Variants in ASTN1 observed in about 807,000 individuals in gnomAD.
ASTN1 encodes the protein astrotactin-1.
ASTN1 carries 41 observed loss-of-function variants against 140.7 expected under a neutral mutation model. The observed-to-expected ratio is 0.29, with a 90% confidence interval of 0.23 to 0.38. ASTN1 has a LOEUF of 0.38. Among genes scored for constraint, ASTN1 ranks in the 10% least tolerant of loss-of-function variants. The pLI is 1.00. For synonymous variants in ASTN1, 640 were observed against 652.2 expected (o/e 0.98, Z 0.29); for missense variants, 1,479 against 1,678.8 (o/e 0.88, Z 2.08).
chr1:176,873,765 T>C lies in ASTN1; in HGVS notation c.3463+2772A>G, dbSNP rs79707452. The stretch of plus-strand genomic sequence containing the variant: ...ACAGGCCCTGGGAGTGTTATTTCAC[T>C]GTCTCAACACTAAATTGGCTCTTCT... On this transcript the variant is annotated intron_variant, in intron 21 of 22. Coordinates refer to ENST00000361833, the MANE Select transcript of ASTN1 (RefSeq NM_004319.3). 4.1e-3 allele frequency among the ~76,000 whole-genome samples: 622 copies of C among 152,302 alleles called. 12 individuals are homozygous for C. The highest frequency in any genetic ancestry group is 0.04 in the East Asian group (206 of 5,162).
chr1:177,071,328 T>G (rs1678625052), intron 1 of ASTN1, among the ~76,000 whole-genome samples: 1 of 152,154 alleles, frequency 6.6e-6, no homozygotes, highest in South Asian at 2.1e-4. Context: ...TGAATTCAAA[T>G]GGGCAGTTCC....
chr1:177,094,351 G>A (rs1679920488), intron 1 of ASTN1, among the ~76,000 whole-genome samples: 1 of 152,170 alleles, frequency 6.6e-6, no homozygotes, highest in African/African-American at 2.4e-5. Flanking sequence ...TATGCACAGG[G>A]CAGTTTTAAG....
At chr1:177,043,583 A>T (rs199925606) in intron 2 of ASTN1, among the ~76,000 whole-genome samples, 1 of 152,236 alleles carries the variant, frequency 6.6e-6, no homozygotes, top group African/African-American at 2.4e-5. Flanking sequence ...AATTCTAATC[A>T]CAGGCCCCAA....
intron 1 of ASTN1, among the ~76,000 whole-genome samples, chr1:177,069,373 G>A (rs542574714): frequency 6.7e-4 from 102 of 152,142 alleles, no homozygotes; most frequent in African/African-American, 2.3e-3. Context: ...CCATCCACCC[G>A]CTTCTCCTTT....
rs777211195 is a variant in ASTN1, at chr1:176,949,158, G to C, written c.2054+27C>G. 6.8e-6 allele frequency: 11 copies of C among 1,612,304 alleles called. No individual in the cohort carries two copies. The South Asian group carries it at 1.2e-4, about 18-fold the overall frequency. ...TGCGTCCTGGGACAGATGGACGCCA[G>C]GTGGCCTCGCTGGCAGCTCAACTCA... On this transcript the variant is annotated intron_variant, in intron 12 of 22. Coordinates refer to ENST00000361833, the MANE Select transcript of ASTN1 (RefSeq NM_004319.3).
chr1:177,077,231 C>T (rs183698750), intron 1 of ASTN1, among the ~76,000 whole-genome samples: 130 of 152,242 alleles, frequency 8.5e-4, no homozygotes, highest in African/African-American at 2.9e-3. Flanking sequence ...TCAATCTCAG[C>T]GTGACTCCCC....
intron 8 of ASTN1, among the ~76,000 whole-genome samples, chr1:176,978,122 A>T (rs913451202): frequency 6.6e-6 from 1 of 152,232 alleles, no homozygotes; most frequent in Admixed American, 6.5e-5. Context: ...CTGCAGAAAT[A>T]ATAGTATGAC....
intron 9 of ASTN1, among the ~76,000 whole-genome samples, chr1:176,962,705 T>C (rs560808918): frequency 6.6e-6 from 1 of 152,342 alleles, no homozygotes; most frequent in African/African-American, 2.4e-5. Context: ...AGAATCACCA[T>C]GATGCTTTTA....
At chr1:176,912,200 G>T (rs1421240707) in intron 16 of ASTN1, among the ~76,000 whole-genome samples, 7 of 152,156 alleles carry the variant, frequency 4.6e-5, no homozygotes, top group Non-Finnish European at 8.8e-5. Context: ...CATCTATGGT[G>T]GAAGTCAGCA....
At chr1:177,043,838 C>T (rs1245570809) in intron 2 of ASTN1, among the ~76,000 whole-genome samples, 2 of 152,304 alleles carry the variant, frequency 1.3e-5, no homozygotes, top group East Asian at 3.9e-4. Flanking sequence ...TGTCTGGCAT[C>T]ATACAGGGGA....
At chr1:177,112,792 C>T (rs1680884483) in intron 1 of ASTN1, among the ~76,000 whole-genome samples, 1 of 152,168 alleles carries the variant, frequency 6.6e-6, no homozygotes, top group Non-Finnish European at 1.5e-5. Flanking sequence ...TCCCTGGTAG[C>T]CCAGAATCCT....
intron 22 of ASTN1, among the ~76,000 whole-genome samples, chr1:176,866,566 A>C (rs777892047): frequency 1.6e-4 from 24 of 152,198 alleles, no homozygotes; most frequent in South Asian, 8.3e-4. Context: ...ATCTTCAAGA[A>C]ATGAACAAAG....
At position 177,089,218 on chromosome 1, in the gene ASTN1, C is replaced by A. The variant is rs147104175; in HGVS notation, c.284-27953G>T. ...GAGCAGGCTGAGCTCTGTGATGTAT[C>A]AGATGCCAAGAGTCTTTCTGCTCAG... On this transcript the variant is annotated intron_variant, in intron 1 of 22. Coordinates refer to ENST00000361833, the MANE Select transcript of ASTN1 (RefSeq NM_004319.3). Among the ~76,000 whole-genome samples, 167 of 152,266 alleles carry A rather than the reference C, an allele frequency of 1.1e-3. 1 individual carries two copies. Among genetic ancestry groups the A allele is most frequent in the African/African-American group, 3.9e-3 (161 of 41,548 alleles).
At chr1:177,008,637 G>C (rs928906800) in intron 8 of ASTN1, among the ~76,000 whole-genome samples, 14 of 150,220 alleles carry the variant, frequency 9.3e-5, no homozygotes, top group African/African-American at 2.7e-4. Context: ...AGAAGGAGGA[G>C]GAGGAAGAGG....
chr1:176,867,445 T>C (rs1668166586), intron 22 of ASTN1, among the ~76,000 whole-genome samples: 1 of 152,216 alleles, frequency 6.6e-6, no homozygotes, highest in Non-Finnish European at 1.5e-5. Context: ...AAGATAAAGA[T>C]AGAGTATGAA....
chr1:177,019,608 G>T (rs1675718206), intron 7 of ASTN1, among the ~76,000 whole-genome samples: 1 of 152,192 alleles, frequency 6.6e-6, no homozygotes, highest in South Asian at 2.1e-4. Context: ...AAGCCTTTGG[G>T]CACTTGATGA....
intron 18 of ASTN1, 78 bp downstream of exon 18, chr1:176,887,993 C>A: frequency 6.3e-7 from 1 of 1,585,474 alleles, no homozygotes; most frequent in Non-Finnish European, 8.6e-7. Flanking sequence ...TCCCAGTACC[C>A]AGCCTATTTC....
chr1:177,028,426 T>C (rs1026221269), intron 5 of ASTN1, among the ~76,000 whole-genome samples: 3 of 152,220 alleles, frequency 2.0e-5, no homozygotes, highest in Non-Finnish European at 4.4e-5. Flanking sequence ...ACTTTTATTA[T>C]ACTGATAGTA....
At chr1:177,109,055 C>T (rs542895767) in intron 1 of ASTN1, among the ~76,000 whole-genome samples, 1 of 152,206 alleles carries the variant, frequency 6.6e-6, no homozygotes, top group East Asian at 1.9e-4. Flanking sequence ...GCAGAGTTAT[C>T]TGAGTCCGAA....
Sources: allele counts gnomAD v4.1 joint callset (sites outside exome capture counted in the v4.1 genomes callset), GRCh38; gene constraint gnomAD v4.1.1; transcripts MANE v1.5; gene names NCBI Gene and HGNC (gene_info 2026-07-23, HGNC 2026-07-21).